ZBTB47: variants seen among roughly 807,000 people sequenced by gnomAD.
The protein encoded by ZBTB47 is zinc finger and BTB domain containing 47.
ZBTB47 carries 24 observed loss-of-function variants against 56.6 expected under a neutral mutation model. The ratio of observed to expected loss-of-function variants is 0.42; its 90% CI spans 0.31 to 0.60. The LOEUF (loss-of-function observed/expected upper bound fraction) is 0.60. Ranked by LOEUF, ZBTB47 falls within the 20% of genes least tolerant of loss-of-function variation. ZBTB47 has a pLI of 0.14. For synonymous variants in ZBTB47, 414 were observed against 418.9 expected (o/e 0.99, Z 0.14); for missense variants, 829 against 1,032.6 (o/e 0.80, Z 2.70).
In ZBTB47 at chr3:42,665,777, G is replaced by A. The variant is rs890405813; in HGVS notation, c.*1179G>A. The A allele has an allele frequency of 6.5e-5, 10 of 152,734 alleles. No homozygotes were observed. Among genetic ancestry groups the A allele is most frequent in the African/African-American group, 2.2e-4 (9 of 41,470 alleles). The allele number at this position is 152,734 out of a possible 1,614,324, so 9.5% of individuals were successfully genotyped here. A position where few individuals can be genotyped will look rare whatever the true frequency, so the allele number is the denominator to read the frequency against. The stretch of plus-strand genomic sequence containing the variant: ...TTCAGGCCCCTCGGGGGATTGGGGG[G>A]ACTGGGGAGGCGCAGCCTAGACCCA... On this transcript the variant is annotated 3_prime_UTR_variant, in exon 6 of 6. Transcript: ENST00000232974.
At chr3:42,662,796 G>A (rs1321699790) in intron 3 of ZBTB47, among the ~76,000 whole-genome samples, 1 of 152,232 alleles carries the variant, frequency 6.6e-6, no homozygotes, top group Non-Finnish European at 1.5e-5. Context: ...CAGAGCCCCA[G>A]CATGTCTGAG....
In ZBTB47 at chr3:42,666,451, A is replaced by G. The variant is rs932765186; in HGVS notation, c.*1853A>G. On this transcript the variant is annotated 3_prime_UTR_variant, in exon 6 of 6. Transcript: ENST00000232974. ...ACTCCTTGATCTTTGGGCTTCCGTG[A>G]TGTCCTCAGGGTCCCCCCCTCCCTG... Among the ~76,000 whole-genome samples the G allele has an allele frequency of 6.6e-6, 1 of 152,092 alleles. No homozygotes were observed. Among genetic ancestry groups the G allele is most frequent in the East Asian group, 1.9e-4 (1 of 5,172 alleles).
chr3:42,663,016 C>T lies in ZBTB47; in HGVS notation c.1626C>T (p.His542=), dbSNP rs531327335. 6 of 1,613,272 alleles carry T rather than the reference C, an allele frequency of 3.7e-6. No homozygotes were observed. The highest frequency in any genetic ancestry group is 5.1e-6 in the Non-Finnish European group (6 of 1,179,254). The change falls in exon 4 of 6, where the codon CAC becomes CAT. Residue 542 remains histidine, a synonymous_variant. Transcript: ENST00000232974. This position sits in a 1 kb window ranked among gnomAD's most constrained non-coding sequence, Gnocchi z 5.1. The part of the protein sequence containing the change: ...MAHVRKHMVA[H]TKDMPFTCET... ...GCCCTGGTGCCCACCTCGTAGCCCA[C>T]ACCAAGGACATGCCCTTCACCTGCG...
At position 42,659,303 on chromosome 3, in the gene ZBTB47, AGAG is replaced by A. The variant is rs575064685; in HGVS notation, c.957_959del (p.Glu319del). On this transcript the variant is annotated inframe_deletion, in exon 2 of 6. Transcript: ENST00000232974. ...GTGGCAGTCAGGGAGAAGAGGAAGA[AGAG>A]GAGGAGGACGGGCACAGTGAGCAGG... 906 of 1,478,072 alleles carry A rather than the reference AGAG, an allele frequency of 6.1e-4. 1 individual carries two copies. The highest frequency in any genetic ancestry group is 3.5e-3 in the Middle Eastern group (17 of 4,868). The allele number at this position is 1,478,072 out of a possible 1,614,324, so 91.6% of individuals were successfully genotyped here.
intron 3 of ZBTB47, among the ~76,000 whole-genome samples, chr3:42,662,463 C>T (rs1482870863): frequency 6.6e-6 from 1 of 152,174 alleles, no homozygotes; most frequent in East Asian, 1.9e-4. Flanking sequence ...CTACCAGATC[C>T]TTGAAGAGTT....
chr3:42,659,172 C>T lies in ZBTB47; in HGVS notation c.817C>T (p.Gln273Ter). Residue 273 changes from glutamine (Q) to a stop codon, truncating the protein, a stop_gained, in exon 2 of 6, where the codon CAG becomes TAG. Coordinates refer to ENST00000232974, the MANE Select transcript of ZBTB47 (RefSeq NM_145166.4). LOFTEE classifies it high-confidence loss of function. ...GGTTCTGGGCCGGGAGGACGGGCTG[C>T]AGAGACACTCGGACGAGGAGGAGGA... Reference protein sequence around the residue: ...TVVLGREDGLQRHSDEEEEDD... With the variant: ...TVVLGREDGL 1 of 1,521,810 alleles carries T rather than the reference C, an allele frequency of 6.6e-7. No homozygotes were observed. The highest frequency in any genetic ancestry group is 8.8e-7 in the Non-Finnish European group (1 of 1,139,354). The allele number at this position is 1,521,810 out of a possible 1,614,324, so 94.3% of individuals were successfully genotyped here.
chr3:42,667,456 T>C lies in ZBTB47; in HGVS notation c.*2858T>C, dbSNP rs1412629300. On this transcript the variant is annotated 3_prime_UTR_variant, in exon 6 of 6. Coordinates refer to ENST00000232974, the MANE Select transcript of ZBTB47 (RefSeq NM_145166.4). Reference sequence around the variant, plus strand: ...GGGCTTGGTAGTGGCAGAATGGCCATGCCCAGGTGTGTGTTGAGACCATTG... The same window carrying C: ...GGGCTTGGTAGTGGCAGAATGGCCACGCCCAGGTGTGTGTTGAGACCATTG... Among the ~76,000 whole-genome samples the C allele has an allele frequency of 6.6e-6, 1 of 152,222 alleles. No individual in the cohort carries two copies. Among genetic ancestry groups the C allele is most frequent in the Non-Finnish European group, 1.5e-5 (1 of 68,042 alleles).
rs1232095535 is a variant in ZBTB47, at chr3:42,659,801, G to C, written c.1446G>C (p.Arg482Ser). 6.2e-7 allele frequency: 1 copy of C among 1,611,200 alleles called. No individual in the cohort carries two copies. The highest frequency in any genetic ancestry group is 1.3e-5 in the African/African-American group (1 of 75,020). ...FLLESELLLH[R>S]QTDCERNIQC... ...TGGAGAGCGAGCTGCTGCTGCACAG[G>C]CAGACAGACTGCGAGCGCAACATCC... Residue 482 changes from arginine to serine, a missense_variant, in exon 2 of 6, where the codon AGG becomes AGC. By Grantham distance (110) the Arg-to-Ser change is moderately radical (BLOSUM62 -1). Around this residue, in one of 6 missense-constraint regions of ZBTB47, gnomAD observed 187 missense variants for 253.1 expected, o/e 0.74. Transcript: ENST00000232974.
chr3:42,664,457 C>T lies in ZBTB47; in HGVS notation c.2103C>T (p.Pro701=), dbSNP rs574236716. 6.6e-7 allele frequency: 1 copy of T among 1,521,244 alleles called. No individual in the cohort carries two copies. The highest frequency in any genetic ancestry group is 8.8e-7 in the Non-Finnish European group (1 of 1,137,666). The allele number at this position is 1,521,244 out of a possible 1,614,324, so 94.2% of individuals were successfully genotyped here. ...GCGTCCCCGCTGCCCCAGGCCTGCCCCCAACCCAGCCCCAGGCGCACGCAC... is the reference window on the plus strand; with the variant it reads ...GCGTCCCCGCTGCCCCAGGCCTGCCTCCAACCCAGCCCCAGGCGCACGCAC... The part of the protein sequence containing the change: ...GDGVPAAPGL[P]PTQPQAHALP... The change falls in exon 6 of 6, where the codon CCC becomes CCT. Residue 701 remains proline, a synonymous_variant. Transcript: ENST00000232974.
rs3733059 is a variant in ZBTB47, at chr3:42,666,621, C to T, written c.*2023C>T. On this transcript the variant is annotated 3_prime_UTR_variant, in exon 6 of 6. Coordinates refer to ENST00000232974, the MANE Select transcript of ZBTB47 (RefSeq NM_145166.4). ...CCCCCATCACTGGCACCAGGATCTC[C>T]CACAGGCACTGGTGGTGTCATCACC... 0.083 allele frequency among the ~76,000 whole-genome samples: 12,655 copies of T among 152,232 alleles called. 596 individuals carry two copies. The highest frequency in any genetic ancestry group is 0.13 in the South Asian group (629 of 4,820).
In ZBTB47 at chr3:42,664,309, G is replaced by C; in HGVS notation, c.1955G>C (p.Arg652Pro). Residue 652 changes from arginine to proline, a missense_variant, in exon 6 of 6, where the codon CGC becomes CCC. Physicochemically the swap from Arg to Pro is moderately radical, Grantham distance 103. Around this residue, in one of 6 missense-constraint regions of ZBTB47, gnomAD observed 44 missense variants for 76.7 expected, o/e 0.57. Coordinates refer to ENST00000232974, the MANE Select transcript of ZBTB47 (RefSeq NM_145166.4). Reference sequence around the variant, plus strand: ...CGGCCCAACATGAAGCGGCACCGGCGCACGCACACGGGCGAGAAGCCGTAC... The same window carrying C: ...CGGCCCAACATGAAGCGGCACCGGCCCACGCACACGGGCGAGAAGCCGTAC... Reference protein sequence around the residue: ...TSRPNMKRHRRTHTGEKPYPC... With the variant: ...TSRPNMKRHRPTHTGEKPYPC... 6.2e-7 allele frequency: 1 copy of C among 1,613,064 alleles called. No homozygotes were observed. Among genetic ancestry groups the C allele is most frequent in the South Asian group, 1.1e-5 (1 of 91,056 alleles).
intron 3 of ZBTB47, among the ~76,000 whole-genome samples, chr3:42,661,941 A>C (rs536114719): frequency 3.5e-4 from 53 of 152,352 alleles, no homozygotes; most frequent in African/African-American, 1.3e-3. Context: ...GCTCGTGTCC[A>C]CCCAGGGAAA....
At position 42,659,464 on chromosome 3, in the gene ZBTB47, AC is replaced by A. The variant is rs1363795448; in HGVS notation, c.1115del (p.Pro372LeufsTer57). On this transcript the variant is annotated frameshift_variant, in exon 2 of 6. Transcript: ENST00000232974. LOFTEE classifies it high-confidence loss of function. ...CGGGGAAGCCGAAGCAGCCGGGCAG[AC>A]CCCCCTCCCCACAGTCACATGGCCA... ...GPRGSRSSRA[D>X]PPPHSHMATR... is the part of the protein sequence containing the mutation. The A allele has an allele frequency of 3.3e-6, 5 of 1,509,574 alleles. No individual in the cohort carries two copies. Among genetic ancestry groups the A allele is most frequent in the Admixed American group, 2.2e-5 (1 of 46,130 alleles). The allele number at this position is 1,509,574 out of a possible 1,614,324, so 93.5% of individuals were successfully genotyped here.
chr3:42,667,433 G>T lies in ZBTB47; in HGVS notation c.*2835G>T, dbSNP rs1317808964. On this transcript the variant is annotated 3_prime_UTR_variant, in exon 6 of 6. Transcript: ENST00000232974. ...GTCTCCACGGTGCCCTTCACAGAGG[G>T]CTTGGTAGTGGCAGAATGGCCATGC... 6.6e-6 allele frequency among the ~76,000 whole-genome samples: 1 copy of T among 152,242 alleles called. No homozygotes were observed. Among genetic ancestry groups the T allele is most frequent in the African/African-American group, 2.4e-5 (1 of 41,466 alleles).
At position 42,661,556 on chromosome 3, in the gene ZBTB47, C is replaced by A; in HGVS notation, c.1545C>A (p.Tyr515Ter). The A allele has an allele frequency of 6.2e-7, 1 of 1,614,036 alleles. No homozygotes were observed. The highest frequency in any genetic ancestry group is 8.5e-7 in the Non-Finnish European group (1 of 1,179,890). The part of the protein sequence containing the change: ...LHEHNKIVHG[Y>*]AEKKFSCEIC... ...AGCATAACAAGATTGTGCACGGCTA[C>A]GCAGAGAAGAAGTTCTCATGCGAGA... Residue 515 changes from tyrosine to a stop codon, truncating the protein, a stop_gained, in exon 3 of 6, where the codon TAC becomes TAA. Transcript: ENST00000232974. LOFTEE classifies it high-confidence loss of function.
At chr3:42,655,536 CA>C (rs1296495823) in intron 1 of ZBTB47, among the ~76,000 whole-genome samples, 1 of 152,236 alleles carries the variant, frequency 6.6e-6, no homozygotes. Flanking sequence ...AACCCCCTGG[CA>C]ACCAGAGTGC....
chr3:42,652,992 A>C (rs1710584047), upstream of ZBTB47, among the ~76,000 whole-genome samples: 1 of 152,180 alleles, frequency 6.6e-6, no homozygotes, highest in South Asian at 2.1e-4. Flanking sequence ...GCCTGGCCTT[A>C]ACCTGGGGCC....
At chr3:42,658,085 G>A (rs961947834) in intron 1 of ZBTB47, among the ~76,000 whole-genome samples, 190 bp from the exon 2 acceptor site, 40 of 152,370 alleles carry the variant, frequency 2.6e-4, no homozygotes, top group Admixed American at 1.8e-3. Flanking sequence ...CACGAGTGGA[G>A]CCTGAGCTCT....
At position 42,664,797 on chromosome 3, in the gene ZBTB47, C is replaced by T. The variant is rs925135386; in HGVS notation, c.*199C>T. On this transcript the variant is annotated 3_prime_UTR_variant, in exon 6 of 6. Transcript: ENST00000232974. ...AGGCCCCAGAGCTGGTGGAGGGCAT[C>T]TCACTCCCAAGTGCCCCCCCTTTCT... is the stretch of plus-strand genomic sequence containing the variant. 2.0e-6 allele frequency: 1 copy of T among 491,678 alleles called. No individual in the cohort carries two copies. Among genetic ancestry groups the T allele is most frequent in the Non-Finnish European group, 3.2e-6 (1 of 310,980 alleles). 30.5% of individuals were successfully genotyped at this position (491,678 alleles called of 1,614,324 possible).
Sources: allele counts gnomAD v4.1 joint callset (sites outside exome capture counted in the v4.1 genomes callset), GRCh38; gene constraint gnomAD v4.1.1; regional missense constraint gnomAD v4.1.1; non-coding constraint Gnocchi (gnomAD v3.1); transcripts MANE v1.5; gene names NCBI Gene and HGNC (gene_info 2026-07-23, HGNC 2026-07-21).